The following USP34 variants were observed in gnomAD, a reference collection of about 807,000 sequenced individuals.
The protein encoded by USP34 is ubiquitin specific peptidase 34.
Under a neutral mutation model 460.3 loss-of-function variants are expected in USP34, and 70 were observed. That is an observed-to-expected ratio of 0.15 (90% CI 0.13 to 0.19). The LOEUF is 0.19. USP34 is among the 10% of genes least tolerant of loss of function. The pLI is 1.00. For missense variants in USP34, 3,985 were observed against 4,236.2 expected, an observed-to-expected ratio of 0.94 and a Z score of 1.65; for synonymous variants, 1,647 against 1,405.3, an observed-to-expected ratio of 1.17 and a Z score of -3.85.
At chr2:61,434,168 A>G (rs998114837) in intron 1 of USP34, among the ~76,000 whole-genome samples, 1 of 152,162 alleles carries the variant, frequency 6.6e-6, no homozygotes, top group Non-Finnish European at 1.5e-5. Context: ...AAAGGCTCCT[A>G]GCACCTCTGC....
intron 70 of USP34, chr2:61,208,144 C>G (rs1248094257): frequency 6.6e-6 from 1 of 152,230 alleles, no homozygotes; most frequent in African/African-American, 2.4e-5. Flanking sequence ...GGGAACCGCT[C>G]AGGGCAAATC....
intron 6 of USP34, among the ~76,000 whole-genome samples, chr2:61,381,489 C>T (rs951563431): frequency 4.6e-5 from 7 of 152,082 alleles, no homozygotes; most frequent in African/African-American, 1.4e-4. Flanking sequence ...TAGAAGCATG[C>T]CACCACGACC....
intron 8 of USP34, among the ~76,000 whole-genome samples, chr2:61,375,219 A>G (rs891424713): frequency 2.0e-5 from 3 of 152,188 alleles, no homozygotes; most frequent in Non-Finnish European, 2.9e-5. Context: ...CACCCCCTAA[A>G]TGGCAATAAT....
chr2:61,393,541 A>C (rs972212770), intron 5 of USP34, among the ~76,000 whole-genome samples: 1 of 152,100 alleles, frequency 6.6e-6, no homozygotes, highest in Non-Finnish European at 1.5e-5. Flanking sequence ...AATGACCTTG[A>C]TAGTAATCAT....
intron 29 of USP34, among the ~76,000 whole-genome samples, chr2:61,299,937 C>A (rs1690169095): frequency 6.6e-6 from 1 of 152,132 alleles, no homozygotes. Context: ...CACCCAGTTG[C>A]ACAGGCCAGA....
intron 1 of USP34, among the ~76,000 whole-genome samples, chr2:61,465,274 T>C (rs1244965014): frequency 6.6e-6 from 1 of 152,176 alleles, no homozygotes; most frequent in Non-Finnish European, 1.5e-5. Flanking sequence ...GTCCTCAACC[T>C]GTAAGCACAA....
At chr2:61,346,302 G>GTC (rs1691765052) in intron 15 of USP34, 1 of 151,058 alleles carries the variant, frequency 6.6e-6, no homozygotes, top group South Asian at 2.1e-4. Flanking sequence ...AAGCACTGAG[G>GTC]TCTGGGGTTC....
chr2:61,310,736 A>C (rs1690566052), intron 27 of USP34, among the ~76,000 whole-genome samples: 2 of 151,726 alleles, frequency 1.3e-5, no homozygotes, highest in African/African-American at 4.8e-5. Flanking sequence ...TTTGGTAGGC[A>C]AGGAGAGATG....
chr2:61,265,591 CAAA>C, intron 42 of USP34, 34 bp from the exon 43 acceptor site: 1 of 1,569,798 alleles, frequency 6.4e-7, no homozygotes, highest in Middle Eastern at 1.7e-4. Flanking sequence ...AGATCCCCCC[CAAA>C]CAAACTATGA....
intron 49 of USP34, among the ~76,000 whole-genome samples, chr2:61,247,675 G>A (rs771165761): frequency 2.0e-5 from 3 of 152,164 alleles, no homozygotes; most frequent in Admixed American, 2.0e-4. Context: ...CCATAGGCAT[G>A]TGTCACTGCA....
At chr2:61,358,367 T>A (rs945394153) in intron 10 of USP34, among the ~76,000 whole-genome samples, 3 of 151,902 alleles carry the variant, frequency 2.0e-5, no homozygotes, top group Non-Finnish European at 4.4e-5. Context: ...ATACTAAACT[T>A]ATAGTTCTAA....
chr2:61,313,312 A>G (rs919640784), intron 25 of USP34, among the ~76,000 whole-genome samples: 2 of 152,138 alleles, frequency 1.3e-5, no homozygotes, highest in Non-Finnish European at 2.9e-5. Context: ...AATTTATAAA[A>G]CCACCACTGA....
At chr2:61,386,775 C>T (rs1693158181) in intron 5 of USP34, among the ~76,000 whole-genome samples, 1 of 151,864 alleles carries the variant, frequency 6.6e-6, no homozygotes, top group Non-Finnish European at 1.5e-5. Flanking sequence ...GGCAACAGAG[C>T]GAGACTCCAT....
intron 48 of USP34, among the ~76,000 whole-genome samples, chr2:61,254,219 A>T (rs1404095182): frequency 6.6e-6 from 1 of 152,120 alleles, no homozygotes; most frequent in Admixed American, 6.5e-5. Flanking sequence ...TTTCTTCTTG[A>T]GATTCTCCTC....
At chr2:61,354,961 T>C (rs1432086641) in intron 10 of USP34, among the ~76,000 whole-genome samples, 2 of 152,128 alleles carry the variant, frequency 1.3e-5, no homozygotes, top group African/African-American at 4.8e-5. Context: ...CAGCCCAATC[T>C]CAGAGCCCCA....
At chr2:61,248,919 G>A (rs1375401686) in intron 48 of USP34, among the ~76,000 whole-genome samples, 1 of 152,096 alleles carries the variant, frequency 6.6e-6, no homozygotes, top group Non-Finnish European at 1.5e-5. Context: ...ATGACAAAGC[G>A]AATTTAGAAA....
At chr2:61,376,674 C>T (rs752271300) in intron 8 of USP34, among the ~76,000 whole-genome samples, 1 of 152,142 alleles carries the variant, frequency 6.6e-6, no homozygotes, top group African/African-American at 2.4e-5. Flanking sequence ...CTGAGACATA[C>T]TCTTGCTCTG....
In USP34 at chr2:61,470,711, C is replaced by A. The variant is rs1236070121; in HGVS notation, c.-19G>T. Reference sequence around the variant, plus strand: ...CGCACATCGTTCGGCCGCCGCCCCCCCCCTCCCCCGCTTCGGATCACACTG... The same window carrying A: ...CGCACATCGTTCGGCCGCCGCCCCCACCCTCCCCCGCTTCGGATCACACTG... On this transcript the variant is annotated 5_prime_UTR_variant, in exon 1 of 80. Coordinates refer to ENST00000398571, the MANE Select transcript of USP34 (RefSeq NM_014709.4). 1.9e-6 allele frequency: 3 copies of A among 1,588,954 alleles called. No individual in the cohort carries two copies. The highest frequency in any genetic ancestry group is 1.4e-5 in the African/African-American group (1 of 72,274).
chr2:61,253,143 GTTGA>G (rs970312493), intron 48 of USP34, among the ~76,000 whole-genome samples: 7 of 152,178 alleles, frequency 4.6e-5, no homozygotes, highest in African/African-American at 1.4e-4. Context: ...GCCCATTTCT[GTTGA>G]TTATTATGTT....
Sources: gnomAD v4.1 joint callset for allele counts (sites outside exome capture counted in the v4.1 genomes callset) on GRCh38, gnomAD v4.1.1 for gene constraint, MANE v1.5 for transcripts, NCBI Gene and HGNC (gene_info 2026-07-23, HGNC 2026-07-21) for gene names.